Variants in PDE1A observed in about 807,000 individuals in gnomAD.
PDE1A encodes phosphodiesterase 1A.
Under a neutral mutation model 61.7 loss-of-function variants are expected in PDE1A, and 35 were observed. The ratio of observed to expected loss-of-function variants is 0.57; its 90% CI spans 0.43 to 0.75. The LOEUF (loss-of-function observed/expected upper bound fraction) is 0.75, where lower values mean the gene tolerates loss of function less well. Ranked by LOEUF, PDE1A falls within the 30% of genes least tolerant of loss-of-function variation. PDE1A has a pLI of 0.00. For synonymous variants in PDE1A, 232 were observed against 213.2 expected (o/e 1.09, Z -0.77); for missense variants, 597 against 630.6 (o/e 0.95, Z 0.57).
At position 182,518,575 on chromosome 2, in the gene PDE1A, G is replaced by T. The variant is rs181531789; in HGVS notation, c.101+3701C>A. ...GAGATAAGGAGGTATGTGTCGAGAC[G>T]TGTAAAATTAGCGATCAGATATAAA... On this transcript the variant is annotated intron_variant, in intron 2 of 14. Transcript: ENST00000410103. Among the ~76,000 whole-genome samples the T allele has an allele frequency of 3.3e-5, 5 of 152,264 alleles. No individual in the cohort carries two copies. In the East Asian group the frequency reaches 9.6e-4, roughly 29 times the overall value.
the PDE1A span, among the ~76,000 whole-genome samples, chr2:182,533,756 T>C: frequency 2.0e-5 from 3 of 152,130 alleles, no homozygotes; most frequent in Non-Finnish European, 4.4e-5. Flanking sequence ...TTTCAGGGTA[T>C]AGAGACATCA....
the PDE1A span, among the ~76,000 whole-genome samples, chr2:182,659,775 C>A: frequency 7.2e-5 from 11 of 152,274 alleles, no homozygotes; most frequent in South Asian, 2.1e-3. Context: ...TAGCATGATG[C>A]CTTGTAAACT....
chr2:182,190,958 C>A (rs562439980), intron 10 of PDE1A, among the ~76,000 whole-genome samples: 16 of 148,640 alleles, frequency 1.1e-4, no homozygotes, highest in African/African-American at 3.5e-4. Flanking sequence ...TCCATCCCCC[C>A]AAAAAAAAGA....
intron 2 of PDE1A, among the ~76,000 whole-genome samples, chr2:182,479,981 TATC>T (rs200913848): frequency 0.012 from 1,872 of 151,956 alleles, 24 homozygotes; most frequent in South Asian, 0.042. Flanking sequence ...CTTCCTAAAA[TATC>T]ATAGTACCAA....
At chr2:182,325,977 C>T (rs1439836540) in intron 1 of PDE1A, among the ~76,000 whole-genome samples, 2 of 152,030 alleles carry the variant, frequency 1.3e-5, no homozygotes, top group African/African-American at 2.4e-5. Context: ...TGGCAAAGAA[C>T]TTGAATACAC....
intron 7 of PDE1A, among the ~76,000 whole-genome samples, chr2:182,210,134 T>C (rs188611409): frequency 7.2e-5 from 11 of 152,310 alleles, no homozygotes; most frequent in South Asian, 2.1e-4. Flanking sequence ...GTGAATGTGT[T>C]TGTAATTTTT....
At chr2:182,361,452 T>C (rs1699503014) in intron 1 of PDE1A, among the ~76,000 whole-genome samples, 2 of 152,102 alleles carry the variant, frequency 1.3e-5, no homozygotes, top group Non-Finnish European at 2.9e-5. Context: ...GAGTTGTATT[T>C]AGATGAAACT....
the PDE1A span, among the ~76,000 whole-genome samples, chr2:182,642,060 T>C: frequency 6.6e-6 from 1 of 152,232 alleles, no homozygotes; most frequent in Non-Finnish European, 1.5e-5. Context: ...AAAGGTTTCA[T>C]AGGACAAACT....
intron 2 of PDE1A, among the ~76,000 whole-genome samples, chr2:182,253,770 T>C (rs1006281008): frequency 6.6e-6 from 1 of 151,992 alleles, no homozygotes; most frequent in Admixed American, 6.6e-5. Context: ...AAGAGAAAAA[T>C]AGATGTTTGA....
At chr2:182,335,333 A>G (rs1697724584) in intron 1 of PDE1A, among the ~76,000 whole-genome samples, 1 of 152,196 alleles carries the variant, frequency 6.6e-6, no homozygotes, top group African/African-American at 2.4e-5. Context: ...AAAAGAACAA[A>G]GCTGGAGGCA....
chr2:182,250,390 T>C (rs1449739959), intron 2 of PDE1A, among the ~76,000 whole-genome samples: 2 of 152,190 alleles, frequency 1.3e-5, no homozygotes, highest in Non-Finnish European at 2.9e-5. Flanking sequence ...AGGATGGAAA[T>C]AGGTAATACA....
At chr2:182,595,225 G>A in the PDE1A span, among the ~76,000 whole-genome samples, 1 of 151,878 alleles carries the variant, frequency 6.6e-6, no homozygotes, top group Admixed American at 6.6e-5. Context: ...TGCTTTTTAA[G>A]AAAAAAACAT....
intron 10 of PDE1A, 150 bp downstream of exon 10, chr2:182,201,289 C>G: frequency 1.2e-6 from 1 of 846,412 alleles, no homozygotes; most frequent in South Asian, 1.8e-5. Context: ...TTCTGATAGA[C>G]TAATAAATTT....
intron 4 of PDE1A, among the ~76,000 whole-genome samples, 186 bp from the exon 5 acceptor site, chr2:182,231,317 T>C (rs1278635949): frequency 6.6e-6 from 1 of 152,196 alleles, no homozygotes; most frequent in Admixed American, 6.5e-5. Context: ...ATTGAGGCCA[T>C]AATGCTTTAT....
rs560397146 is a variant in PDE1A at position 182,192,712 on chromosome 2, G to A, written c.1126-3652C>T. Among the ~76,000 whole-genome samples the A allele has an allele frequency of 2.8e-3, 425 of 152,216 alleles. 4 individuals are homozygous for A. Among genetic ancestry groups the A allele is most frequent in the African/African-American group, 9.8e-3 (406 of 41,548 alleles). ...AAATGAGGAGTAAGTAGAAAAACTA[G>A]TCCCATAGAAATGGAAACTCAAGGC... On this transcript the variant is annotated intron_variant, in intron 10 of 13. Coordinates refer to ENST00000351439, the Ensembl canonical transcript of PDE1A.
At chr2:182,404,898 C>G (rs1379092065) in intron 1 of PDE1A, among the ~76,000 whole-genome samples, 2 of 152,110 alleles carry the variant, frequency 1.3e-5, no homozygotes, top group Admixed American at 1.3e-4. Flanking sequence ...AGAAGGAATA[C>G]TCTATAAAAT....
the PDE1A span, among the ~76,000 whole-genome samples, chr2:182,564,515 C>A: frequency 2.6e-5 from 4 of 152,038 alleles, no homozygotes; most frequent in Non-Finnish European, 4.4e-5. Flanking sequence ...ACTTTGGTGA[C>A]TCTGACAATT....
At chr2:182,211,537 T>C (rs548581656) in intron 7 of PDE1A, among the ~76,000 whole-genome samples, 4 of 152,352 alleles carry the variant, frequency 2.6e-5, no homozygotes, top group Non-Finnish European at 5.9e-5. Context: ...AGAATCACTT[T>C]GTCAGAATCA....
At chr2:182,224,083 TTTTAA>T (rs1189336000) in intron 6 of PDE1A, 119 bp from the exon 7 acceptor site, 16 of 634,772 alleles carry the variant, frequency 2.5e-5, no homozygotes, top group South Asian at 8.5e-5. Flanking sequence ...TTTTCATTTC[TTTTAA>T]TTTGTTTCCT....
Sources: allele counts gnomAD v4.1 joint callset (sites outside exome capture counted in the v4.1 genomes callset), GRCh38; gene constraint gnomAD v4.1.1; transcripts MANE v1.5; gene names NCBI Gene and HGNC (gene_info 2026-07-23, HGNC 2026-07-21).